RABGAP1: variants seen among roughly 807,000 people sequenced by gnomAD.
The protein encoded by RABGAP1 is RAB GTPase activating protein 1.
Under a neutral mutation model 137.6 loss-of-function variants are expected in RABGAP1, and 23 were observed. That is an observed-to-expected ratio of 0.17 (90% CI 0.12 to 0.24). The LOEUF (loss-of-function observed/expected upper bound fraction) is 0.24, where lower values mean the gene tolerates loss of function less well. RABGAP1 is among the 10% of genes least tolerant of loss of function. The pLI is 1.00. For missense variants in RABGAP1, 906 were observed against 1,275.8 expected, an observed-to-expected ratio of 0.71 and a Z score of 4.42; for synonymous variants, 451 against 450.7, an observed-to-expected ratio of 1.00 and a Z score of -0.01.
chr9:122,973,424 G>C (rs1287250367), intron 2 of RABGAP1, among the ~76,000 whole-genome samples: 4 of 151,942 alleles, frequency 2.6e-5, no homozygotes, highest in African/African-American at 9.7e-5. Context: ...TTTTAGTAGA[G>C]ATGGGGTTTC....
chr9:122,935,298 T>A, the RABGAP1 span, among the ~76,000 whole-genome samples: 1 of 152,238 alleles, frequency 6.6e-6, no homozygotes. Context: ...TCCTTTCTGT[T>A]ACTGATGTCA....
At chr9:123,062,624 CCTT>C (rs2034020436) in intron 13 of RABGAP1, 1 of 152,252 alleles carries the variant, frequency 6.6e-6, no homozygotes, top group South Asian at 2.1e-4. Flanking sequence ...TTCAAAATGA[CCTT>C]CTTTTAAGGG....
At chr9:122,990,796 A>AATATATATATATATATATAT (rs1188480184) in intron 6 of RABGAP1, 1 of 27,746 alleles carries the variant, frequency 3.6e-5, no homozygotes, top group Non-Finnish European at 6.9e-5. Context: ...AAAAAAAAAA[A>AATATATATATATATATATAT]ATATATATAT....
chr9:123,038,020 T>G (rs534076823), intron 13 of RABGAP1, among the ~76,000 whole-genome samples: 41 of 152,332 alleles, frequency 2.7e-4, no homozygotes, highest in African/African-American at 9.1e-4. Context: ...TATGTTGAAA[T>G]TATTTCATAG....
intron 13 of RABGAP1, among the ~76,000 whole-genome samples, chr9:123,049,556 C>G (rs2033366844): frequency 6.6e-6 from 1 of 152,162 alleles, no homozygotes; most frequent in South Asian, 2.1e-4. Context: ...GGCTAAAAAA[C>G]AAAATACTCT....
chr9:122,979,375 T>TAC (rs2131722930), intron 2 of RABGAP1, among the ~76,000 whole-genome samples: 1 of 152,344 alleles, frequency 6.6e-6, no homozygotes, highest in Admixed American at 6.5e-5. Context: ...ATTCTGGATA[T>TAC]ACGTCCTTCA....
intron 19 of RABGAP1, among the ~76,000 whole-genome samples, chr9:123,078,843 TC>T (rs2034606308): frequency 1.3e-5 from 2 of 152,156 alleles, no homozygotes; most frequent in South Asian, 4.1e-4. Flanking sequence ...AACATCCTAA[TC>T]TAACCATCAT....
Position 123,103,997 on chromosome 9 carries a change from A to ATG in RABGAP1, c.*786_*787dup, listed in dbSNP as rs746184562. The stretch of plus-strand genomic sequence containing the variant: ...TGTGTGTGTGTGTGTGTGTGTGTGT[A>ATG]TGTATATATATATATAAATATCTTT... On this transcript the variant is annotated 3_prime_UTR_variant, in exon 26 of 26. Transcript: ENST00000373647. 1.8e-4 allele frequency: 13 copies of ATG among 72,978 alleles called. No individual in the cohort carries two copies. The highest frequency in any genetic ancestry group is 1.0e-3 in the South Asian group (2 of 1,970). 4.5% of individuals were successfully genotyped at this position (72,978 alleles called of 1,614,324 possible).
Position 122,986,551 on chromosome 9 carries a change from C to G in RABGAP1, c.590+132C>G, listed in dbSNP as rs1836381419. 7.2e-6 allele frequency: 7 copies of G among 967,998 alleles called. No individual in the cohort carries two copies. The South Asian group carries it at 8.3e-5, about 11-fold the overall frequency. The allele number at this position is 967,998 out of a possible 1,614,324, so 60.0% of individuals were successfully genotyped here. ...TGTGTAACGTTTCATTTACCTGGCA[C>G]TCATGTCTCCCAAGGACTGTGACCT... On this transcript the variant is annotated intron_variant, in intron 4 of 25. Coordinates refer to ENST00000373647, the MANE Select transcript of RABGAP1 (RefSeq NM_012197.4).
At chr9:122,981,376 A>T (rs546119792) in intron 2 of RABGAP1, among the ~76,000 whole-genome samples, 1 of 152,284 alleles carries the variant, frequency 6.6e-6, no homozygotes, top group East Asian at 1.9e-4. Flanking sequence ...AATATGTATT[A>T]ATGTTGACTA....
At chr9:122,967,452 AAG>A (rs1051476821) in intron 2 of RABGAP1, among the ~76,000 whole-genome samples, 44 of 152,332 alleles carry the variant, frequency 2.9e-4, no homozygotes, top group African/African-American at 8.7e-4. Flanking sequence ...TACTAGTATG[AAG>A]AGAGAGCAGA....
intron 19 of RABGAP1, among the ~76,000 whole-genome samples, chr9:123,088,665 G>A (rs938346764): frequency 6.6e-6 from 1 of 152,134 alleles, no homozygotes; most frequent in Admixed American, 6.5e-5. Context: ...TCCAGCTTGG[G>A]TGATAGAGAT....
chr9:123,035,527 G>A, intron 13 of RABGAP1: 1 of 1,613,954 alleles, frequency 6.2e-7, no homozygotes, highest in Non-Finnish European at 8.5e-7. Flanking sequence ...CCTCTCAGGG[G>A]CTATGTGTAC....
chr9:122,998,517 A>T, intron 9 of RABGAP1, 80 bp from the exon 10 acceptor site: 1 of 1,167,098 alleles, frequency 8.6e-7, no homozygotes, highest in East Asian at 2.5e-5. Flanking sequence ...TAATAAAAGT[A>T]ATAGCTTTTA....
At chr9:123,043,555 G>A (rs557180367) in intron 13 of RABGAP1, among the ~76,000 whole-genome samples, 34 of 151,988 alleles carry the variant, frequency 2.2e-4, no homozygotes, top group African/African-American at 8.2e-4. Context: ...ATTCAGTTAT[G>A]TGTTGCTGTG....
intron 11 of RABGAP1, 51 bp from the exon 12 acceptor site, chr9:123,015,492 G>A (rs763199341): frequency 8.4e-7 from 1 of 1,185,094 alleles, no homozygotes; most frequent in South Asian, 1.4e-5. Context: ...GTGTTCTTCT[G>A]GCTAGCATAG....
intron 1 of RABGAP1, among the ~76,000 whole-genome samples, chr9:122,946,852 C>A (rs780131995): frequency 1.2e-4 from 19 of 152,118 alleles, no homozygotes; most frequent in Non-Finnish European, 2.5e-4. Context: ...CTGTTTTATG[C>A]ACATTTCATC....
At chr9:123,056,785 A>G (rs2033719874) in intron 13 of RABGAP1, among the ~76,000 whole-genome samples, 2 of 152,196 alleles carry the variant, frequency 1.3e-5, no homozygotes, top group Non-Finnish European at 2.9e-5. Flanking sequence ...CAGAGAGCAC[A>G]GGGTTGGGGG....
chr9:123,004,822 C>T (rs1475553016), intron 10 of RABGAP1, among the ~76,000 whole-genome samples: 4 of 151,986 alleles, frequency 2.6e-5, no homozygotes, highest in Admixed American at 1.3e-4. Context: ...TTTGGGAGGC[C>T]GAGGCAGATG....
Sources: allele counts gnomAD v4.1 joint callset (sites outside exome capture counted in the v4.1 genomes callset), GRCh38; gene constraint gnomAD v4.1.1; transcripts MANE v1.5; gene names NCBI Gene and HGNC (gene_info 2026-07-23, HGNC 2026-07-21).